The following SYN3 variants were observed in gnomAD, a reference collection of about 807,000 sequenced individuals.
The protein encoded by SYN3 is synapsin-3.
A neutral mutation model predicts 65.8 loss-of-function variants in SYN3; 35 were observed. The observed-to-expected ratio is 0.53, with a 90% CI of 0.41 to 0.70. The LOEUF (loss-of-function observed/expected upper bound fraction) is 0.70, where lower values mean the gene tolerates loss of function less well. Among genes scored for constraint, SYN3 ranks in the 30% least tolerant of loss-of-function variants. The pLI is 0.00. For synonymous variants in SYN3, 270 were observed against 292.9 expected, an observed-to-expected ratio of 0.92 and a Z score of 0.80; for missense variants, 680 against 749.0, an observed-to-expected ratio of 0.91 and a Z score of 1.08.
intron 2 of SYN3, among the ~76,000 whole-genome samples, chr22:33,005,604 G>C (rs553177053): frequency 2.9e-4 from 44 of 152,312 alleles, no homozygotes; most frequent in African/African-American, 1.0e-3. Context: ...TGCCACTGTG[G>C]AACTTACCAG....
rs1021009813 is a variant in SYN3 at position 32,507,888 on chromosome 22, C to G, written c.*5804G>C. Among the ~76,000 whole-genome samples, 5 of 152,068 alleles carry G rather than the reference C, an allele frequency of 3.3e-5. No individual in the cohort carries two copies. Among genetic ancestry groups the G allele is most frequent in the African/African-American group, 4.8e-5 (2 of 41,360 alleles). ...ATCCCCACAATATCACCCCTTACCA[C>G]GAGACCTCCCTTCAGCTTAATCTCT... On this transcript the variant is annotated 3_prime_UTR_variant, in exon 14 of 14. Coordinates refer to ENST00000358763, the MANE Select transcript of SYN3 (RefSeq NM_003490.4).
At chr22:33,033,134 C>A (rs1312066907) in intron 1 of SYN3, among the ~76,000 whole-genome samples, 1 of 152,042 alleles carries the variant, frequency 6.6e-6, no homozygotes, top group Admixed American at 6.6e-5. Flanking sequence ...GCACCCACCA[C>A]CACGCCCAGC....
chr22:32,570,844 C>T lies in SYN3; in HGVS notation c.774+25830G>A, dbSNP rs138813188. On this transcript the variant is annotated intron_variant, in intron 7 of 13. Transcript: ENST00000358763. ...TTCTCTCTACCAGTGACCCACAATGCGTGACACTGGTGGCCCACAGGATGA... is the reference window on the plus strand; with the variant it reads ...TTCTCTCTACCAGTGACCCACAATGTGTGACACTGGTGGCCCACAGGATGA... Among the ~76,000 whole-genome samples, 174 of 152,136 alleles carry T rather than the reference C, an allele frequency of 1.1e-3. 1 individual carries two copies. Among genetic ancestry groups the T allele is most frequent in the African/African-American group, 4.0e-3 (166 of 41,498 alleles).
chr22:32,530,656 G>C (rs1382448531), intron 10 of SYN3, among the ~76,000 whole-genome samples: 1 of 151,762 alleles, frequency 6.6e-6, no homozygotes, highest in East Asian at 1.9e-4. Flanking sequence ...GGACTTGTAG[G>C]GATCTGTGAG....
At chr22:33,056,996 A>G (rs2054264998) in intron 1 of SYN3, among the ~76,000 whole-genome samples, 1 of 152,196 alleles carries the variant, frequency 6.6e-6, no homozygotes, top group Non-Finnish European at 1.5e-5. Flanking sequence ...TCCAGAAACA[A>G]TATCAAAATG....
At chr22:32,935,898 T>C (rs546820686) in intron 3 of SYN3, among the ~76,000 whole-genome samples, 1 of 152,370 alleles carries the variant, frequency 6.6e-6, no homozygotes, top group South Asian at 2.1e-4. Flanking sequence ...TTTTGATATC[T>C]TTAAAACAGA....
intron 3 of SYN3, among the ~76,000 whole-genome samples, chr22:32,961,087 T>C (rs781177224): frequency 6.6e-6 from 1 of 152,172 alleles, no homozygotes; most frequent in Non-Finnish European, 1.5e-5. Flanking sequence ...TTTTGAGCTA[T>C]GTAACTCTTT....
intron 6 of SYN3, among the ~76,000 whole-genome samples, chr22:32,679,839 C>CTTGTTTTTTTTTTTTTTTTTTT (rs2060497571): frequency 2.6e-5 from 1 of 39,150 alleles, no homozygotes; most frequent in Non-Finnish European, 4.6e-5. Context: ...TGTTTTTTGG[C>CTTGTTTTTTTTTTTTTTTTTTT]TTTTTTTTTT....
chr22:32,627,449 T>C (rs796129995), intron 6 of SYN3, among the ~76,000 whole-genome samples: 52 of 152,056 alleles, frequency 3.4e-4, no homozygotes, highest in African/African-American at 1.1e-3. Flanking sequence ...TCACGGCAGG[T>C]CACACCACAC....
At chr22:32,657,097 G>T (rs1032161378) in intron 6 of SYN3, among the ~76,000 whole-genome samples, 12 of 151,956 alleles carry the variant, frequency 7.9e-5, no homozygotes, top group Non-Finnish European at 1.5e-4. Context: ...CTCTGCATTT[G>T]CCCTCCTGAG....
chr22:32,589,861 A>C (rs1277771955), intron 7 of SYN3, among the ~76,000 whole-genome samples: 1 of 152,090 alleles, frequency 6.6e-6, no homozygotes, highest in African/African-American at 2.4e-5. Flanking sequence ...TCCCTTTCAA[A>C]CACCCAAAAT....
At chr22:32,812,808 A>G (rs2046950376) in intron 6 of SYN3, among the ~76,000 whole-genome samples, 1 of 152,222 alleles carries the variant, frequency 6.6e-6, no homozygotes, top group Non-Finnish European at 1.5e-5. Flanking sequence ...GGCAGTCACT[A>G]TCTGCTCCCC....
At chr22:32,514,813 G>A (rs1221845909) in intron 13 of SYN3, among the ~76,000 whole-genome samples, 2 of 152,118 alleles carry the variant, frequency 1.3e-5, no homozygotes, top group East Asian at 1.9e-4. Context: ...TCAGGAGATC[G>A]AGACCATCCT....
intron 6 of SYN3, among the ~76,000 whole-genome samples, chr22:32,659,345 A>G (rs1374722566): frequency 6.6e-6 from 1 of 152,172 alleles, no homozygotes; most frequent in Non-Finnish European, 1.5e-5. Flanking sequence ...CTGGGGAGAC[A>G]GCCAGATCCT....
At chr22:32,944,402 T>C (rs2051038975) in intron 3 of SYN3, among the ~76,000 whole-genome samples, 1 of 152,120 alleles carries the variant, frequency 6.6e-6, no homozygotes, top group Non-Finnish European at 1.5e-5. Flanking sequence ...TGCAAATCAA[T>C]AAACGTAATC....
intron 1 of SYN3, among the ~76,000 whole-genome samples, chr22:33,044,611 G>C (rs186088331): frequency 2.9e-4 from 44 of 151,754 alleles, no homozygotes; most frequent in African/African-American, 9.4e-4. Flanking sequence ...GCCTCTGCCT[G>C]GTTGTCATTT....
intron 1 of SYN3, among the ~76,000 whole-genome samples, chr22:33,024,734 C>T (rs1051888451): frequency 2.0e-5 from 3 of 152,138 alleles, no homozygotes; most frequent in Non-Finnish European, 2.9e-5. Flanking sequence ...CACCAGTGCA[C>T]TCAATGAGGG....
At chr22:32,688,079 G>A (rs1477590301) in intron 6 of SYN3, among the ~76,000 whole-genome samples, 1 of 152,152 alleles carries the variant, frequency 6.6e-6, no homozygotes, top group Non-Finnish European at 1.5e-5. Flanking sequence ...ATCCCCAGTG[G>A]ATGTCAGACT....
chr22:32,963,578 A>T (rs2051729196), intron 3 of SYN3, among the ~76,000 whole-genome samples: 1 of 152,110 alleles, frequency 6.6e-6, no homozygotes, highest in Non-Finnish European at 1.5e-5. Flanking sequence ...TAGAAATAAC[A>T]CTTTTGGACA....
Sources: allele counts gnomAD v4.1 joint callset (sites outside exome capture counted in the v4.1 genomes callset), GRCh38; gene constraint gnomAD v4.1.1; transcripts MANE v1.5; gene names NCBI Gene and HGNC (gene_info 2026-07-23, HGNC 2026-07-21).